The following CRTC1 variants were observed in gnomAD, a reference collection of about 807,000 sequenced individuals.
CRTC1 encodes the protein CREB-regulated transcription coactivator 1.
A neutral mutation model predicts 66.1 loss-of-function variants in CRTC1; 18 were observed. The observed-to-expected ratio is 0.27, with a 90% CI of 0.19 to 0.40. The LOEUF (loss-of-function observed/expected upper bound fraction) is 0.40. CRTC1 is among the 10% of genes least tolerant of loss of function. The pLI, the probability that CRTC1 is intolerant of heterozygous loss-of-function variation, is 1.00. For synonymous variants in CRTC1, 416 were observed against 398.8 expected (o/e 1.04, Z -0.51); for missense variants, 669 against 887.9 (o/e 0.75, Z 3.13).
chr19:18,694,298 C>CAAA (rs202211420), intron 1 of CRTC1, among the ~76,000 whole-genome samples: 22 of 91,082 alleles, frequency 2.4e-4, no homozygotes, highest in Admixed American at 4.7e-4. Flanking sequence ...GACTCCATCT[C>CAAA]AAAAAAAAAA....
chr19:18,696,580 T>C (rs1365257896), intron 1 of CRTC1, among the ~76,000 whole-genome samples: 1 of 152,188 alleles, frequency 6.6e-6, no homozygotes, highest in Non-Finnish European at 1.5e-5. Context: ...AACCTGTGTC[T>C]GACTCCAAGG....
intron 13 of CRTC1, among the ~76,000 whole-genome samples, chr19:18,776,642 A>G (rs1265692159): frequency 6.6e-6 from 1 of 152,212 alleles, no homozygotes; most frequent in African/African-American, 2.4e-5. Context: ...TGACCCCCGC[A>G]ATGGCCTCAA....
At chr19:18,694,047 G>C (rs941973348) in intron 1 of CRTC1, among the ~76,000 whole-genome samples, 1 of 151,236 alleles carries the variant, frequency 6.6e-6, no homozygotes, top group African/African-American at 2.4e-5. Context: ...AAGGAGAATC[G>C]CTTGAACCTG....
At position 18,774,904 on chromosome 19, in the gene CRTC1, C is replaced by A; in HGVS notation, c.1430C>A (p.Thr477Asn). ...GFSPGSSPQHTSTLGSVFGDA... is the reference protein window; with the variant it reads ...GFSPGSSPQHNSTLGSVFGDA... ...AGGCCTCTCTTCTGTCTGCAGCACA[C>A]TTCCACCCTGGGCAGCGTGTTTGGG... Residue 477 changes from threonine (T) to asparagine (N), a missense_variant, in exon 12 of 14, where the codon ACT (threonine) becomes AAT (asparagine). Transcript: ENST00000321949. The A allele has an allele frequency of 6.2e-7, 1 of 1,610,960 alleles. No individual in the cohort carries two copies. The highest frequency in any genetic ancestry group is 8.5e-7 in the Non-Finnish European group (1 of 1,179,968).
intron 1 of CRTC1, among the ~76,000 whole-genome samples, chr19:18,736,343 G>C (rs2053996704): frequency 6.6e-6 from 1 of 150,428 alleles, no homozygotes; most frequent in Admixed American, 6.6e-5. Flanking sequence ...TCAGCTCCCA[G>C]GATCCAGGAT....
chr19:18,781,380 T>G lies in CRTC1; in HGVS notation c.*3998T>G, dbSNP rs2055099994. On this transcript the variant is annotated 3_prime_UTR_variant, in exon 14 of 14. Coordinates refer to ENST00000321949, the MANE Select transcript of CRTC1 (RefSeq NM_015321.3). ...GGGGCCTCCATTTCCTGGGGGCTCT[T>G]GCGGCATGTGATTTGGGGGTCCCTG... 1 of 229,260 alleles carries G rather than the reference T, an allele frequency of 4.4e-6. No individual in the cohort carries two copies. The highest frequency in any genetic ancestry group is 5.7e-5 in the Admixed American group (1 of 17,656). The allele number at this position is 229,260 out of a possible 1,614,324, so 14.2% of individuals were successfully genotyped here.
chr19:18,721,360 A>G (rs2053626169), intron 1 of CRTC1, among the ~76,000 whole-genome samples: 1 of 151,152 alleles, frequency 6.6e-6, no homozygotes, highest in African/African-American at 2.4e-5. Context: ...TGCCCGGCTA[A>G]TTTTTTGTAT....
At chr19:18,770,262 A>C (rs1049706684) in intron 10 of CRTC1, among the ~76,000 whole-genome samples, 1 of 152,252 alleles carries the variant, frequency 6.6e-6, no homozygotes, top group African/African-American at 2.4e-5. Context: ...GTTCTGGGTC[A>C]TAGCAGTGAG....
chr19:18,731,046 C>T (rs137903529), intron 1 of CRTC1, among the ~76,000 whole-genome samples: 3 of 152,230 alleles, frequency 2.0e-5, no homozygotes, highest in African/African-American at 7.2e-5. Flanking sequence ...GTGGTACAAT[C>T]TTGGCTCACA....
In CRTC1 at chr19:18,782,163, T is replaced by C; in HGVS notation, c.*4781T>C. ...TCTCCCCCAACCCTAGCATGTATAC[T>C]CTGCCACGGACGTCCCGTGGGCCAT... On this transcript the variant is annotated 3_prime_UTR_variant, in exon 14 of 14. Transcript: ENST00000321949. The C allele has an allele frequency of 4.4e-6, 1 of 228,762 alleles. No individual in the cohort carries two copies. Among genetic ancestry groups the C allele is most frequent in the African/African-American group, 2.2e-5 (1 of 44,910 alleles). 14.2% of individuals were successfully genotyped at this position (228,762 alleles called of 1,614,324 possible).
At chr19:18,767,046 T>C (rs1013387175) in intron 9 of CRTC1, among the ~76,000 whole-genome samples, 1 of 152,188 alleles carries the variant, frequency 6.6e-6, no homozygotes, top group Non-Finnish European at 1.5e-5. Flanking sequence ...ATCTCCTTCT[T>C]ATAAGGCTAT....
chr19:18,775,521 C>T (rs991501479), intron 12 of CRTC1, 120 bp from the exon 13 acceptor site: 3 of 907,078 alleles, frequency 3.3e-6, no homozygotes, highest in African/African-American at 3.5e-5. Context: ...GGGTGCCGAG[C>T]ATCCTGCAGG....
rs1383725262 is a variant in CRTC1 at position 18,777,132 on chromosome 19, G to A, written c.1694-39G>A. 4 of 1,176,988 alleles carry A rather than the reference G, an allele frequency of 3.4e-6. No individual in the cohort carries two copies. The highest frequency in any genetic ancestry group is 1.3e-5 in the South Asian group (1 of 79,802). The allele number at this position is 1,176,988 out of a possible 1,614,324, so 72.9% of individuals were successfully genotyped here. ...CACATGGATGCGAGCGATGGAGCCA[G>A]GGCTAAGCAGTGCCTTTTGTCCCCA... On this transcript the variant is annotated intron_variant, in intron 13 of 13. Coordinates refer to ENST00000321949, the MANE Select transcript of CRTC1 (RefSeq NM_015321.3). The surrounding 1 kb of genome is among the most constrained non-coding windows in gnomAD (Gnocchi z 5.5).
intron 1 of CRTC1, among the ~76,000 whole-genome samples, chr19:18,717,118 C>T (rs917369687): frequency 2.0e-5 from 3 of 152,160 alleles, no homozygotes; most frequent in Non-Finnish European, 2.9e-5. Flanking sequence ...TGTGTGAACA[C>T]GTGTGATGTC....
chr19:18,689,914 T>C (rs1040801005), intron 1 of CRTC1, among the ~76,000 whole-genome samples: 10 of 151,884 alleles, frequency 6.6e-5, no homozygotes, highest in Non-Finnish European at 1.3e-4. Context: ...ACGTCGTGTG[T>C]CTCAGGAGGA....
At chr19:18,700,783 C>T (rs540712206) in intron 1 of CRTC1, among the ~76,000 whole-genome samples, 12 of 152,298 alleles carry the variant, frequency 7.9e-5, no homozygotes, top group African/African-American at 2.9e-4. Flanking sequence ...CAAAGACACG[C>T]GAGCTGTCCA....
chr19:18,701,530 G>A (rs2053139880), intron 1 of CRTC1, among the ~76,000 whole-genome samples: 1 of 152,262 alleles, frequency 6.6e-6, no homozygotes, highest in South Asian at 2.1e-4. Context: ...CTGCCACTGT[G>A]TGGCTTATGG....
intron 1 of CRTC1, among the ~76,000 whole-genome samples, chr19:18,690,616 C>T (rs1336006841): frequency 6.6e-6 from 1 of 152,118 alleles, no homozygotes; most frequent in Non-Finnish European, 1.5e-5. Context: ...CCCTGTAACC[C>T]GTGAATTGGA....
In CRTC1 at chr19:18,760,573, T is replaced by A. The variant is rs141825185; in HGVS notation, c.886+345T>A. 6.6e-6 allele frequency among the ~76,000 whole-genome samples: 1 copy of A among 151,590 alleles called. No homozygotes were observed. The highest frequency in any genetic ancestry group is 1.9e-4 in the East Asian group (1 of 5,136). The stretch of plus-strand genomic sequence containing the variant: ...GCCCCTCCTCGACCCCAGCCCCTCA[T>A]TGGGGGGCGGGACCAGGCCTGACCT... On this transcript the variant is annotated intron_variant, in intron 8 of 13. Coordinates refer to ENST00000321949, the MANE Select transcript of CRTC1 (RefSeq NM_015321.3). This position sits in a 1 kb window ranked among gnomAD's most constrained non-coding sequence, Gnocchi z 6.2.
Sources: gnomAD v4.1 joint callset for allele counts (sites outside exome capture counted in the v4.1 genomes callset) on GRCh38, gnomAD v4.1.1 for gene constraint, Gnocchi (gnomAD v3.1) non-coding constraint, MANE v1.5 for transcripts, NCBI Gene and HGNC (gene_info 2026-07-23, HGNC 2026-07-21) for gene names.